The following SSC5D variants were observed in gnomAD, a reference collection of about 807,000 sequenced individuals.
SSC5D encodes the protein soluble scavenger receptor cysteine-rich domain-containing protein SSC5D.
In SSC5D, 106 loss-of-function variants were observed where a neutral mutation model predicts 104.6. The ratio of observed to expected loss-of-function variants is 1.01; its 90% CI spans 0.87 to 1.19. The LOEUF (loss-of-function observed/expected upper bound fraction) is 1.19. SSC5D is among the 50% of genes most tolerant of loss of function. SSC5D has a pLI of 0.00. For missense variants in SSC5D, 1,993 were observed against 2,153.8 expected, an observed-to-expected ratio of 0.93 and a Z score of 1.48; for synonymous variants, 860 against 883.5, an observed-to-expected ratio of 0.97 and a Z score of 0.47.
chr19:55,504,391 G>A, intron 12 of SSC5D: 1 of 1,288,168 alleles, frequency 7.8e-7, no homozygotes, highest in South Asian at 2.0e-5. Context: ...AGGCGTATGC[G>A]GGGTGGAGTG....
At chr19:55,510,241 C>A (rs1293324172) in intron 12 of SSC5D, among the ~76,000 whole-genome samples, 2 of 152,200 alleles carry the variant, frequency 1.3e-5, no homozygotes, top group African/African-American at 2.4e-5. Flanking sequence ...TCAACTGATC[C>A]ACCTGCCTTG....
chr19:55,512,514 C>T (rs1178608498), intron 12 of SSC5D, among the ~76,000 whole-genome samples: 1 of 147,836 alleles, frequency 6.8e-6, no homozygotes, highest in African/African-American at 2.5e-5. Flanking sequence ...CGGTGTCTCG[C>T]TCTGTCACCC....
intron 12 of SSC5D, among the ~76,000 whole-genome samples, chr19:55,507,679 A>AAG (rs1568482685): frequency 6.6e-6 from 1 of 151,062 alleles, no homozygotes; most frequent in Non-Finnish European, 1.5e-5. Flanking sequence ...AAAAAAAAAA[A>AAG]AAAAAAAAAG....
rs767180859 is a variant in SSC5D, at chr19:55,500,422, C to T, written c.2302+10C>T. 6.5e-6 allele frequency: 10 copies of T among 1,549,290 alleles called. No homozygotes were observed. The highest frequency in any genetic ancestry group is 2.4e-5 in the East Asian group (1 of 40,896). ...ACCACTGGGGAATCAGGTGAGTGGC[C>T]GTGAGGGGTGTGGGGAGAGAATGGG... On this transcript the variant is annotated intron_variant, in intron 10 of 13. Coordinates refer to ENST00000389623, the MANE Select transcript of SSC5D (RefSeq NM_001144950.2). The surrounding 1 kb of genome is among the most constrained non-coding windows in gnomAD (Gnocchi z 4.6).
At chr19:55,506,762 G>T (rs1475296426) in intron 12 of SSC5D, among the ~76,000 whole-genome samples, 1 of 152,156 alleles carries the variant, frequency 6.6e-6, no homozygotes, top group Non-Finnish European at 1.5e-5. Flanking sequence ...AGATACAAAC[G>T]TCAGTTCATG....
At chr19:55,506,926 G>A (rs961061718) in intron 12 of SSC5D, among the ~76,000 whole-genome samples, 8 of 151,992 alleles carry the variant, frequency 5.3e-5, no homozygotes, top group African/African-American at 1.9e-4. Flanking sequence ...CAGCACTTAG[G>A]GAGGCTGAGG....
In SSC5D at chr19:55,500,527, C is replaced by T; in HGVS notation, c.2340C>T (p.Arg780=). 1 of 1,551,728 alleles carries T rather than the reference C, an allele frequency of 6.4e-7. No homozygotes were observed. The highest frequency in any genetic ancestry group is 8.7e-7 in the Non-Finnish European group (1 of 1,146,994). Residue 780 remains arginine (R), a synonymous_variant, in exon 11 of 14, where the codon CGC becomes CGT. Transcript: ENST00000389623. This position sits in a 1 kb window ranked among gnomAD's most constrained non-coding sequence, Gnocchi z 4.6. ...TTCGTCTGGCCGATGGGCCCAACCG[C>T]TGTGCTGGCCGGCTGGAAGTGTGGC... is the stretch of plus-strand genomic sequence containing the variant. The part of the protein sequence containing the change: ...FRVRLADGPN[R]CAGRLEVWHA...
intron 7 of SSC5D, 83 bp from the exon 8 acceptor site, chr19:55,494,527 G>C: frequency 7.2e-6 from 10 of 1,394,552 alleles, no homozygotes; most frequent in Non-Finnish European, 9.5e-6. Context: ...GAGGACTGAG[G>C]AAGGATGACG....
intron 12 of SSC5D, among the ~76,000 whole-genome samples, chr19:55,502,767 G>C (rs10469310): frequency 0.2 from 30,879 of 151,456 alleles, 3,306 homozygotes; most frequent in East Asian, 0.41. Context: ...GTGATCCTCC[G>C]ACCTCAGCCT....
chr19:55,497,750 G>T, intron 8 of SSC5D, 130 bp from the exon 9 acceptor site: 1 of 902,284 alleles, frequency 1.1e-6, no homozygotes. Context: ...CTGGAGGAAA[G>T]GATGGATGAA....
chr19:55,511,671 A>C (rs1333577675), intron 12 of SSC5D, among the ~76,000 whole-genome samples: 1 of 152,114 alleles, frequency 6.6e-6, no homozygotes, highest in Non-Finnish European at 1.5e-5. Context: ...TGCCCTCCTA[A>C]CTCAAGGTCA....
At chr19:55,504,392 G>A in intron 12 of SSC5D, 2 of 1,289,548 alleles carry the variant, frequency 1.6e-6, no homozygotes, top group Non-Finnish European at 2.0e-6. Context: ...GGCGTATGCG[G>A]GGTGGAGTGG....
intron 1 of SSC5D, 23 bp downstream of exon 1, chr19:55,488,637 G>T: frequency 6.5e-7 from 1 of 1,548,710 alleles, no homozygotes; most frequent in Non-Finnish European, 8.7e-7. Flanking sequence ...TTCTCCTTGG[G>T]GACTCGGGGG....
rs1422687447 is a variant in SSC5D at position 55,494,657 on chromosome 19, A to T, written c.1261A>T (p.Asn421Tyr). Residue 421 changes from asparagine (N) to tyrosine (Y), a missense_variant, in exon 8 of 14, where the codon AAC becomes TAC. This residue lies in a region of SSC5D where 1,101 missense variants were observed against 1,085.0 expected (regional missense o/e 1.01). Transcript: ENST00000389623. ...VPPTAPTDSN[N>Y]STPREAASRP... ...TCCCACGGCCCCCACGGACAGCAAC[A>T]ACTCCACGCCCAGGGAGGCTGCCTC... 1.0e-5 allele frequency: 16 copies of T among 1,546,632 alleles called. No individual in the cohort carries two copies. The highest frequency in any genetic ancestry group is 5.9e-5 in the Admixed American group (3 of 50,500).
chr19:55,489,568 C>A lies in SSC5D; in HGVS notation c.267C>A (p.Cys89Ter). 1 of 1,510,290 alleles carries A rather than the reference C, an allele frequency of 6.6e-7. No homozygotes were observed. Among genetic ancestry groups the A allele is most frequent in the South Asian group, 1.2e-5 (1 of 80,328 alleles). 93.6% of individuals were successfully genotyped at this position (1,510,290 alleles called of 1,614,324 possible). A position where few individuals can be genotyped will look rare whatever the true frequency, so the allele number is the denominator to read the frequency against. ...CTGTGTGGCTCAGCGAGCTGGCTTG[C>A]CGGGGCAACGAGGGGCAGCTGGGCC... Reference protein sequence around the residue: ...AGPVWLSELACRGNEGQLGLC... With the variant: ...AGPVWLSELA The change falls in exon 3 of 14, where the codon TGC becomes TGA. Residue 89 changes from cysteine (C) to a stop codon, truncating the protein, a stop_gained. Transcript: ENST00000389623. LOFTEE classifies it high-confidence loss of function.
At chr19:55,502,972 C>T (rs1188983820) in intron 12 of SSC5D, among the ~76,000 whole-genome samples, 1 of 152,202 alleles carries the variant, frequency 6.6e-6, no homozygotes, top group Non-Finnish European at 1.5e-5. Flanking sequence ...TGTGCCACCA[C>T]TCCCGGCTAA....
At chr19:55,495,200 T>C (rs1599916539) in intron 8 of SSC5D, among the ~76,000 whole-genome samples, 1 of 130,568 alleles carries the variant, frequency 7.7e-6, no homozygotes, top group South Asian at 2.6e-4. Flanking sequence ...GATCAATGGT[T>C]CTGCCTGCCT....
chr19:55,516,617 T>C (rs1987877709), intron 13 of SSC5D, among the ~76,000 whole-genome samples: 2 of 147,256 alleles, frequency 1.4e-5, no homozygotes, highest in South Asian at 4.2e-4. Context: ...CTGTGGATCT[T>C]TTGGATTAAT....
intron 2 of SSC5D, 39 bp downstream of exon 2, chr19:55,489,071 CCCA>C (rs1274399955): frequency 1.6e-5 from 18 of 1,096,858 alleles, no homozygotes; most frequent in Non-Finnish European, 2.2e-5. Flanking sequence ...CGCCCCCCCC[CCCA>C]GGCCTCCCCC....
Sources: gnomAD v4.1 joint callset for allele counts (sites outside exome capture counted in the v4.1 genomes callset) on GRCh38, gnomAD v4.1.1 for gene constraint, gnomAD v4.1.1 regional missense constraint, Gnocchi (gnomAD v3.1) non-coding constraint, MANE v1.5 for transcripts, NCBI Gene and HGNC (gene_info 2026-07-23, HGNC 2026-07-21) for gene names.